ZZEF1: variants seen among roughly 807,000 people sequenced by gnomAD.
The protein encoded by ZZEF1 is zinc finger ZZ-type and EF-hand domain containing 1.
In ZZEF1, 157 loss-of-function variants were observed where a neutral mutation model predicts 342.8. That is an observed-to-expected ratio of 0.46 (90% confidence interval 0.40 to 0.52). The LOEUF (loss-of-function observed/expected upper bound fraction) is 0.52, where lower values mean the gene tolerates loss of function less well. ZZEF1 is among the 20% of genes least tolerant of loss of function. The pLI is 0.00. For missense variants in ZZEF1, 3,480 were observed against 3,725.6 expected (o/e 0.93, Z 1.72); for synonymous variants, 1,505 against 1,429.1 (o/e 1.05, Z -1.20).
chr17:4,051,054 A>G lies in ZZEF1; in HGVS notation c.5601-11T>C. 2.5e-6 allele frequency: 4 copies of G among 1,614,112 alleles called. No individual in the cohort carries two copies. The highest frequency in any genetic ancestry group is 3.4e-6 in the Non-Finnish European group (4 of 1,180,046). ...TGGGTAGGCAAATGGCTGCAAAGGC[A>G]AGACACATTTAAAGCTTACAACCCT... is the stretch of plus-strand genomic sequence containing the variant. On this transcript the variant is annotated splice_polypyrimidine_tract_variant and intron_variant, in intron 35 of 54. Coordinates refer to ENST00000381638, the MANE Select transcript of ZZEF1 (RefSeq NM_015113.4).
chr17:4,105,772 G>T lies in ZZEF1; in HGVS notation c.1315C>A (p.Pro439Thr). The T allele has an allele frequency of 1.9e-6, 3 of 1,613,206 alleles. No individual in the cohort carries two copies. The highest frequency in any genetic ancestry group is 2.5e-6 in the Non-Finnish European group (3 of 1,179,708). ...AAAGTTGAGAAATCTGTAGATCCTG[G>T]TGAGAGAGAGAGTGGAGGCATGTGC... Reference protein sequence around the residue: ...LRHMPPLSLSPGSTDFSTFLS... With the variant: ...LRHMPPLSLSTGSTDFSTFLS... Residue 439 changes from proline to threonine, a missense_variant, in exon 7 of 55, where the codon CCA (proline) becomes ACA (threonine). Pro to Thr is a conservative substitution (Grantham distance 38, BLOSUM62 -1). This residue lies in a region of ZZEF1 where 1,528 missense variants were observed against 1,624.1 expected (regional missense o/e 0.94). Coordinates refer to ENST00000381638, the MANE Select transcript of ZZEF1 (RefSeq NM_015113.4).
intron 13 of ZZEF1, 108 bp from the exon 14 acceptor site, chr17:4,087,642 G>T: frequency 2.1e-6 from 2 of 934,528 alleles, no homozygotes; most frequent in South Asian, 1.8e-5. Context: ...GGCTCTACAT[G>T]AGTGAGACTT....
intron 39 of ZZEF1, among the ~76,000 whole-genome samples, chr17:4,038,675 CATT>C (rs2056730581): frequency 6.6e-6 from 1 of 152,070 alleles, no homozygotes; most frequent in African/African-American, 2.4e-5. Context: ...TGTGGTGGCA[CATT>C]CCTGTAGTCC....
chr17:4,138,135 C>A (rs1336632482), intron 1 of ZZEF1, among the ~76,000 whole-genome samples: 4 of 152,218 alleles, frequency 2.6e-5, no homozygotes, highest in African/African-American at 7.2e-5. Context: ...CAGACAAATA[C>A]ATATTTGGTC....
At chr17:4,024,193 T>TTTTTTTG (rs1567770215) in intron 43 of ZZEF1, among the ~76,000 whole-genome samples, 4 of 129,466 alleles carry the variant, frequency 3.1e-5, no homozygotes, top group African/African-American at 1.4e-4. Flanking sequence ...CAGGTTTTTT[T>TTTTTTTG]TTTTTTTTTT....
intron 52 of ZZEF1, among the ~76,000 whole-genome samples, chr17:4,010,503 G>C (rs1237552259): frequency 6.6e-6 from 1 of 151,814 alleles, no homozygotes; most frequent in African/African-American, 2.4e-5. Flanking sequence ...GGCGGATCAC[G>C]AGGTCAGGAG....
chr17:4,039,496 A>T (rs1273279593), intron 39 of ZZEF1, among the ~76,000 whole-genome samples: 1 of 151,588 alleles, frequency 6.6e-6, no homozygotes, highest in Non-Finnish European at 1.5e-5. Context: ...AAACAAACAA[A>T]TCCGCCCTGC....
Position 4,095,829 on chromosome 17 carries a change from A to T in ZZEF1, c.1913+2T>A. ...TTCTACAAAGATTTTTTACCTTCTT[A>T]CCTGCTTTTTACAAATTGCCTGAGC... On this transcript the variant is annotated splice_donor_variant, in intron 11 of 54. Coordinates refer to ENST00000381638, the MANE Select transcript of ZZEF1 (RefSeq NM_015113.4). LOFTEE classifies it high-confidence loss of function. 6.2e-7 allele frequency: 1 copy of T among 1,604,072 alleles called. No homozygotes were observed. Among genetic ancestry groups the T allele is most frequent in the Non-Finnish European group, 8.5e-7 (1 of 1,175,148 alleles).
At chr17:4,061,123 GC>G (rs1567804559) in intron 30 of ZZEF1, among the ~76,000 whole-genome samples, 1 of 152,150 alleles carries the variant, frequency 6.6e-6, no homozygotes, top group East Asian at 1.9e-4. Flanking sequence ...TTGGCCAATG[GC>G]TCCAGTAAGA....
At chr17:4,043,250 G>A (rs1042868513) in intron 38 of ZZEF1, among the ~76,000 whole-genome samples, 1 of 152,164 alleles carries the variant, frequency 6.6e-6, no homozygotes, top group Non-Finnish European at 1.5e-5. Context: ...GCACCTAGAG[G>A]TGTTTCTGGA....
intron 49 of ZZEF1, among the ~76,000 whole-genome samples, chr17:4,015,248 C>G (rs947311416): frequency 6.6e-6 from 1 of 152,192 alleles, no homozygotes; most frequent in African/African-American, 2.4e-5. Context: ...CCACATGTGC[C>G]TGTATGGGAC....
chr17:4,048,298 A>G (rs577216095), intron 37 of ZZEF1, among the ~76,000 whole-genome samples: 4 of 152,320 alleles, frequency 2.6e-5, no homozygotes, highest in Non-Finnish European at 4.4e-5. Flanking sequence ...CTCTGGCTGA[A>G]TGGAAATAAT....
chr17:4,119,627 A>G (rs2058451957), intron 2 of ZZEF1, among the ~76,000 whole-genome samples: 2 of 152,204 alleles, frequency 1.3e-5, no homozygotes, highest in African/African-American at 4.8e-5. Context: ...CACTCACATG[A>G]CATGAGCTTG....
Position 4,005,549 on chromosome 17 carries a change from G to A in ZZEF1, c.*1341C>T, listed in dbSNP as rs963476404. The A allele has an allele frequency of 3.3e-5, 5 of 152,466 alleles. No individual in the cohort carries two copies. Among genetic ancestry groups the A allele is most frequent in the African/African-American group, 4.8e-5 (2 of 41,486 alleles). The allele number at this position is 152,466 out of a possible 1,614,324, so 9.4% of individuals were successfully genotyped here. On this transcript the variant is annotated 3_prime_UTR_variant, in exon 55 of 55. Transcript: ENST00000381638. Reference sequence around the variant, plus strand: ...ACCTTGGAGTCCTGACCCAGAAGGCGAAAGTGCTCTTATAGGAAGATGCTT... The same window carrying A: ...ACCTTGGAGTCCTGACCCAGAAGGCAAAAGTGCTCTTATAGGAAGATGCTT...
At chr17:4,054,271 C>G (rs900502616) in intron 33 of ZZEF1, 76 bp from the exon 34 acceptor site, 1 of 1,480,300 alleles carries the variant, frequency 6.8e-7, no homozygotes, top group East Asian at 2.3e-5. Flanking sequence ...TTCCTCCATT[C>G]ACTAGGTACT....
intron 39 of ZZEF1, among the ~76,000 whole-genome samples, chr17:4,036,352 G>A (rs1011746831): frequency 1.3e-5 from 2 of 152,154 alleles, no homozygotes; most frequent in Admixed American, 6.5e-5. Context: ...GACTCCGCTA[G>A]AATTCCAGGA....
At chr17:4,142,479 T>C (rs1054388044) in intron 1 of ZZEF1, 63 bp downstream of exon 1, 4 of 1,539,128 alleles carry the variant, frequency 2.6e-6, no homozygotes, top group African/African-American at 2.8e-5. Context: ...TGCCCACCTC[T>C]TCCTTCAGTC....
chr17:4,130,359 A>G (rs1040301143), intron 1 of ZZEF1, among the ~76,000 whole-genome samples: 1 of 152,172 alleles, frequency 6.6e-6, no homozygotes, highest in Admixed American at 6.6e-5. Flanking sequence ...AGGCTGAGGC[A>G]GGAGAATCGC....
At chr17:4,079,253 T>C (rs1049342918) in intron 18 of ZZEF1, among the ~76,000 whole-genome samples, 6 of 152,180 alleles carry the variant, frequency 3.9e-5, no homozygotes, top group African/African-American at 1.4e-4. Flanking sequence ...AATCGACTCC[T>C]ATGAGAACCA....
Sources: allele counts gnomAD v4.1 joint callset (sites outside exome capture counted in the v4.1 genomes callset), GRCh38; gene constraint gnomAD v4.1.1; regional missense constraint gnomAD v4.1.1; transcripts MANE v1.5; gene names NCBI Gene and HGNC (gene_info 2026-07-23, HGNC 2026-07-21).